The following BLZF1 variants were observed in gnomAD, a reference collection of about 807,000 sequenced individuals.
The protein encoded by BLZF1 is basic leucine zipper nuclear factor 1.
In BLZF1, 39 loss-of-function variants were observed where a neutral mutation model predicts 43.8. The ratio of observed to expected loss-of-function variants is 0.89; its 90% CI spans 0.69 to 1.16. The LOEUF is 1.16. BLZF1 is among the 50% of genes most tolerant of loss of function. The pLI is 0.00. For missense variants in BLZF1, 449 were observed against 469.8 expected, an observed-to-expected ratio of 0.96 and a Z score of 0.41; for synonymous variants, 136 against 159.4, an observed-to-expected ratio of 0.85 and a Z score of 1.11.
rs1490289813 is a variant in BLZF1, at chr1:169,388,305, A to G, written c.*1123A>G. The G allele has an allele frequency of 6.6e-6, 1 of 152,126 alleles. No homozygotes were observed. Among genetic ancestry groups the G allele is most frequent in the Non-Finnish European group, 1.5e-5 (1 of 68,026 alleles). 9.4% of individuals were successfully genotyped at this position (152,126 alleles called of 1,614,324 possible). Reference sequence around the variant, plus strand: ...GGCAATAAATTTATCTACCTTCTTTATTGCGACTATTCCTTTTTTCCCCCA... The same window carrying G: ...GGCAATAAATTTATCTACCTTCTTTGTTGCGACTATTCCTTTTTTCCCCCA... On this transcript the variant is annotated 3_prime_UTR_variant, in exon 7 of 7. Coordinates refer to ENST00000367808, the MANE Select transcript of BLZF1 (RefSeq NM_001320973.2).
At chr1:169,369,642 C>T in intron 2 of BLZF1, 92 bp downstream of exon 2, 1 of 856,300 alleles carries the variant, frequency 1.2e-6, no homozygotes, top group Non-Finnish European at 1.8e-6. Context: ...TCATGGACCC[C>T]CTTGGGAATC....
At chr1:169,391,685 T>A (rs972748432), downstream of BLZF1, among the ~76,000 whole-genome samples, 1 of 152,218 alleles carries the variant, frequency 6.6e-6, no homozygotes, top group Non-Finnish European at 1.5e-5. Context: ...TGCATTCATC[T>A]AAGGATGTAA....
downstream of BLZF1, among the ~76,000 whole-genome samples, chr1:169,389,731 C>T (rs2102023728): frequency 6.6e-6 from 1 of 152,248 alleles, no homozygotes; most frequent in East Asian, 1.9e-4. Flanking sequence ...AATAGATAAA[C>T]AAAATCTGGT....
intron 2 of BLZF1, among the ~76,000 whole-genome samples, chr1:169,370,329 A>C (rs1654070032): frequency 6.6e-6 from 1 of 152,196 alleles, no homozygotes; most frequent in South Asian, 2.1e-4. Context: ...TACTTCAACA[A>C]ATAAAGATTT....
chr1:169,395,246 C>A, intron 7 of BLZF1: 1 of 1,534,124 alleles, frequency 6.5e-7, no homozygotes, highest in East Asian at 2.3e-5. Flanking sequence ...GAGTATCAAC[C>A]TGAATACACT....
downstream of BLZF1, among the ~76,000 whole-genome samples, chr1:169,390,368 A>G: frequency 6.6e-6 from 1 of 152,272 alleles, no homozygotes; most frequent in East Asian, 1.9e-4. Context: ...GAATAGAAAA[A>G]CAAGAGAGAT....
chr1:169,395,632 C>T (rs1241344991), intron 7 of BLZF1, among the ~76,000 whole-genome samples: 1 of 152,124 alleles, frequency 6.6e-6, no homozygotes, highest in Admixed American at 6.5e-5. Flanking sequence ...CCTTACTCTT[C>T]TTATAGGTAA....
At chr1:169,377,066 A>G (rs1250614586) in intron 3 of BLZF1, 87 bp downstream of exon 3, 2 of 1,085,900 alleles carry the variant, frequency 1.8e-6, no homozygotes, top group East Asian at 2.5e-5. Flanking sequence ...ACATTTCTTT[A>G]TGGGAATGTC....
At chr1:169,381,952 A>G in intron 5 of BLZF1, 110 bp from the exon 6 acceptor site, 1 of 837,212 alleles carries the variant, frequency 1.2e-6, no homozygotes, top group Non-Finnish European at 1.8e-6. Context: ...GAAAGGGATC[A>G]GAGAAAGATG....
intron 6 of BLZF1, among the ~76,000 whole-genome samples, chr1:169,385,726 G>C (rs1654647347): frequency 6.6e-6 from 1 of 152,100 alleles, no homozygotes; most frequent in Non-Finnish European, 1.5e-5. Flanking sequence ...TTGAAAAATA[G>C]AGGTGCTAAA....
chr1:169,369,607 A>C (rs1654037620), intron 2 of BLZF1, 57 bp downstream of exon 2: 2 of 1,371,786 alleles, frequency 1.5e-6, no homozygotes, highest in Admixed American at 1.7e-5. Flanking sequence ...GATGTGAAGG[A>C]ACGTTTGAGC....
rs1295358344 is a variant in BLZF1, at chr1:169,394,969, A to AGAC, written c.*28-925_*28-924insGAC. Reference sequence around the variant, plus strand: ...TACCATTTCCATAATTTAGAATACAACCAAAGTACACAGACCCTAAGAAAT... The same window carrying AGAC: ...TACCATTTCCATAATTTAGAATACAAGACCCAAAGTACACAGACCCTAAGAAAT... On this transcript the variant is annotated intron_variant, in intron 7 of 7. Transcript: ENST00000329281. 1,634 of 1,281,470 alleles carry AGAC rather than the reference A, an allele frequency of 1.3e-3. 14 individuals carry two copies. In the African/African-American group the frequency reaches 0.021, roughly 16 times the overall value. The allele number at this position is 1,281,470 out of a possible 1,614,324, so 79.4% of individuals were successfully genotyped here.
downstream of BLZF1, among the ~76,000 whole-genome samples, chr1:169,390,911 A>G (rs1395806946): frequency 6.6e-6 from 1 of 152,240 alleles, no homozygotes; most frequent in Non-Finnish European, 1.5e-5. Flanking sequence ...ACATGCACAC[A>G]TACATTTACA....
At chr1:169,377,844 C>G (rs1654407656) in intron 3 of BLZF1, among the ~76,000 whole-genome samples, 1 of 151,900 alleles carries the variant, frequency 6.6e-6, no homozygotes, top group African/African-American at 2.4e-5. Flanking sequence ...TATTGGATAT[C>G]TTTTAATTTT....
chr1:169,391,055 G>T (rs547514456), downstream of BLZF1, among the ~76,000 whole-genome samples: 1 of 152,148 alleles, frequency 6.6e-6, no homozygotes, highest in Non-Finnish European at 1.5e-5. Context: ...GTATCAAAAG[G>T]AGTAAGACAG....
chr1:169,381,628 C>T (rs1052968860), intron 5 of BLZF1, among the ~76,000 whole-genome samples: 12 of 152,188 alleles, frequency 7.9e-5, no homozygotes, highest in African/African-American at 2.9e-4. Flanking sequence ...AAATCCTTAA[C>T]AGAATTTCAG....
At chr1:169,373,155 T>A (rs1225968351) in intron 2 of BLZF1, among the ~76,000 whole-genome samples, 3 of 152,124 alleles carry the variant, frequency 2.0e-5, no homozygotes, top group Non-Finnish European at 4.4e-5. Context: ...GTTAGACTAG[T>A]GACCTTCTTT....
In BLZF1 at chr1:169,382,120, A is replaced by G. The variant is rs773288637; in HGVS notation, c.856A>G (p.Ser286Gly). 4 of 1,613,904 alleles carry G rather than the reference A, an allele frequency of 2.5e-6. No individual in the cohort carries two copies. Among genetic ancestry groups the G allele is most frequent in the Middle Eastern group, 1.7e-4 (1 of 6,058 alleles). ...GGGAAGAGAGCAAACTTACTCCCCT[A>G]GTGTACAACCCCACAGCACAGCAGA... ...QWGREQTYSP[S>G]VQPHSTAELA... The change falls in exon 6 of 7, where the codon AGT becomes GGT. Residue 286 changes from serine to glycine, a missense_variant. Physicochemically the swap from Ser to Gly is moderately conservative, Grantham distance 56. Transcript: ENST00000367808.
At position 169,387,873 on chromosome 1, in the gene BLZF1, G is replaced by T. The variant is rs1654718643; in HGVS notation, c.*691G>T. 1 of 152,196 alleles carries T rather than the reference G, an allele frequency of 6.6e-6. No individual in the cohort carries two copies. Among genetic ancestry groups the T allele is most frequent in the Non-Finnish European group, 1.5e-5 (1 of 68,026 alleles). 9.4% of individuals were successfully genotyped at this position (152,196 alleles called of 1,614,324 possible). A position where few individuals can be genotyped will look rare whatever the true frequency, so the allele number is the denominator to read the frequency against. ...CTTCAGCAAAACATGCTAGTTTTAT[G>T]CAGGGGATTCTGTATTCCAAATGGA... On this transcript the variant is annotated 3_prime_UTR_variant, in exon 7 of 7. Coordinates refer to ENST00000367808, the MANE Select transcript of BLZF1 (RefSeq NM_001320973.2).
Sources: allele counts gnomAD v4.1 joint callset (sites outside exome capture counted in the v4.1 genomes callset), GRCh38; gene constraint gnomAD v4.1.1; transcripts MANE v1.5; gene names NCBI Gene and HGNC (gene_info 2026-07-23, HGNC 2026-07-21).